C12orf54: variants seen among roughly 807,000 people sequenced by gnomAD.
C12orf54 encodes chromosome 12 open reading frame 54, also known as uncharacterized protein C12orf54.
C12orf54 carries 24 observed loss-of-function variants against 26.4 expected under a neutral mutation model. The ratio of observed to expected loss-of-function variants is 0.91; its 90% CI spans 0.66 to 1.28. C12orf54 has a LOEUF of 1.28. Ranked by LOEUF, C12orf54 falls within the 50% of genes most tolerant of loss-of-function variation. The pLI, the probability that C12orf54 is intolerant of heterozygous loss-of-function variation, is 0.00. For synonymous variants in C12orf54, 54 were observed against 47.0 expected, an observed-to-expected ratio of 1.15 and a Z score of -0.61; for missense variants, 154 against 150.9, an observed-to-expected ratio of 1.02 and a Z score of -0.11.
At chr12:48,475,552 G>T in the C12orf54 span, among the ~76,000 whole-genome samples, 4 of 152,190 alleles carry the variant, frequency 2.6e-5, no homozygotes, top group African/African-American at 4.8e-5. Flanking sequence ...AGTCATTAAA[G>T]GACCTGATGG....
the C12orf54 span, among the ~76,000 whole-genome samples, chr12:48,452,756 TCAA>T: frequency 6.6e-6 from 1 of 152,034 alleles, no homozygotes; most frequent in African/African-American, 2.4e-5. Flanking sequence ...GAAAAAAACT[TCAA>T]CATCACTGAT....
the C12orf54 span, among the ~76,000 whole-genome samples, chr12:48,443,143 C>T: frequency 2.0e-5 from 3 of 152,166 alleles, no homozygotes; most frequent in South Asian, 4.1e-4. Flanking sequence ...CTGCAAGACC[C>T]CAACCTTAGA....
the C12orf54 span, among the ~76,000 whole-genome samples, chr12:48,453,740 T>C: frequency 6.7e-6 from 1 of 150,368 alleles, no homozygotes; most frequent in Non-Finnish European, 1.5e-5. Context: ...ATTTTGCACA[T>C]TGCCTGTATC....
Position 48,483,318 on chromosome 12 carries a change from G to A in C12orf54, c.22G>A (p.Asp8Asn), listed in dbSNP as rs1338502816. The change falls in exon 2 of 9, where the codon GAT (aspartate) becomes AAT (asparagine). Residue 8 changes from aspartate (D) to asparagine (N), a missense_variant. By Grantham distance (23) the Asp-to-Asn change is conservative (BLOSUM62 1). Coordinates refer to ENST00000548364, the MANE Select transcript of C12orf54 (RefSeq NM_152319.4). MAQHPCQ[D>N]QEQKVEMTSK... The stretch of plus-strand genomic sequence containing the variant: ...ACAAATGGCACAGCATCCCTGCCAG[G>A]ATCAGGAACAAAAGGTAGAAATGAC... The A allele has an allele frequency of 6.2e-7, 1 of 1,613,838 alleles. No individual in the cohort carries two copies. The highest frequency in any genetic ancestry group is 8.5e-7 in the Non-Finnish European group (1 of 1,179,950).
At chr12:48,489,632 G>A (rs771005562) in intron 5 of C12orf54, among the ~76,000 whole-genome samples, 4 of 151,960 alleles carry the variant, frequency 2.6e-5, no homozygotes, top group Non-Finnish European at 5.9e-5. Context: ...GCCCACGTTG[G>A]TCTCAAATTC....
chr12:48,427,242 G>A, the C12orf54 span, among the ~76,000 whole-genome samples: 1 of 152,050 alleles, frequency 6.6e-6, no homozygotes, highest in Admixed American at 6.6e-5. Flanking sequence ...ATTATTTTGA[G>A]GAATGTTCAT....
At chr12:48,473,014 G>T in the C12orf54 span, 3 of 1,614,144 alleles carry the variant, frequency 1.9e-6, no homozygotes, top group East Asian at 6.7e-5. Flanking sequence ...AACCTCGAGA[G>T]CTTAGACCTT....
chr12:48,449,775 A>T, the C12orf54 span, among the ~76,000 whole-genome samples: 3 of 152,208 alleles, frequency 2.0e-5, no homozygotes, highest in African/African-American at 7.2e-5. Flanking sequence ...CAATTATAAA[A>T]TTGTTCCATG....
chr12:48,435,891 C>G, the C12orf54 span, among the ~76,000 whole-genome samples: 1 of 152,108 alleles, frequency 6.6e-6, no homozygotes, highest in Non-Finnish European at 1.5e-5. Flanking sequence ...ATGACAGGAT[C>G]AAATTCACAA....
chr12:48,457,859 T>C, the C12orf54 span, among the ~76,000 whole-genome samples: 4 of 152,178 alleles, frequency 2.6e-5, no homozygotes, highest in Non-Finnish European at 5.9e-5. Flanking sequence ...GAGGACGGGA[T>C]GACTGGGGAG....
chr12:48,463,453 G>A, the C12orf54 span, among the ~76,000 whole-genome samples: 5 of 151,754 alleles, frequency 3.3e-5, no homozygotes, highest in African/African-American at 1.2e-4. Context: ...ACTTTAAAAA[G>A]CCCAGGACCA....
the C12orf54 span, among the ~76,000 whole-genome samples, chr12:48,457,885 C>T: frequency 4.6e-5 from 7 of 152,168 alleles, no homozygotes; most frequent in Admixed American, 6.5e-5. Flanking sequence ...TTCTGCCTGG[C>T]GTTCCAGGGT....
the C12orf54 span, among the ~76,000 whole-genome samples, chr12:48,452,795 A>G: frequency 6.6e-6 from 1 of 152,242 alleles, no homozygotes; most frequent in Non-Finnish European, 1.5e-5. Flanking sequence ...AATCAAAACC[A>G]CAATGAAATA....
At chr12:48,472,864 A>C in the C12orf54 span, 1 of 1,614,062 alleles carries the variant, frequency 6.2e-7, no homozygotes, top group Non-Finnish European at 8.5e-7. Context: ...AACAAACTTA[A>C]GAAGCTTGAA....
At chr12:48,453,542 T>TATATACACATATATATACAC in the C12orf54 span, among the ~76,000 whole-genome samples, 1 of 115,208 alleles carries the variant, frequency 8.7e-6, no homozygotes, top group African/African-American at 2.8e-5. Context: ...TACACATACA[T>TATATACACATATATATACAC]ATATATACAC....
the C12orf54 span, among the ~76,000 whole-genome samples, chr12:48,423,915 A>G: frequency 1.3e-5 from 2 of 152,104 alleles, no homozygotes; most frequent in African/African-American, 4.8e-5. Context: ...CTTGTTCTCC[A>G]TCTAAGAGGG....
chr12:48,487,966 C>G, intron 4 of C12orf54: 5 of 741,486 alleles, frequency 6.7e-6, no homozygotes, highest in South Asian at 5.9e-5. Flanking sequence ...CTAAGAAGAA[C>G]TGGGTTGCCA....
the C12orf54 span, among the ~76,000 whole-genome samples, chr12:48,428,133 C>T: frequency 1.3e-4 from 19 of 151,906 alleles, no homozygotes; most frequent in South Asian, 2.7e-3. Context: ...ATGACACTAG[C>T]GACACAACCT....
intron 7 of C12orf54, among the ~76,000 whole-genome samples, chr12:48,493,575 C>A: frequency 7.1e-6 from 1 of 140,194 alleles, no homozygotes. Flanking sequence ...GAGCCATGAT[C>A]ATGCCACTTC....
Sources: gnomAD v4.1 joint callset for allele counts (sites outside exome capture counted in the v4.1 genomes callset) on GRCh38, gnomAD v4.1.1 for gene constraint, MANE v1.5 for transcripts, NCBI Gene and HGNC (gene_info 2026-07-23, HGNC 2026-07-21) for gene names.